The following AFF4 variants were observed in gnomAD, a reference collection of about 807,000 sequenced individuals.
AFF4 encodes the protein AF4/FMR2 family member 4.
AFF4 carries 13 observed loss-of-function variants against 124.8 expected under a neutral mutation model. The observed-to-expected ratio is 0.10, with a 90% CI of 0.07 to 0.17. The LOEUF is 0.17. AFF4 is among the 10% of genes least tolerant of loss of function. The pLI is 1.00. For missense variants in AFF4, 1,092 were observed against 1,403.8 expected, an observed-to-expected ratio of 0.78 and a Z score of 3.55; for synonymous variants, 477 against 496.1, an observed-to-expected ratio of 0.96 and a Z score of 0.51.
At chr5:132,898,991 T>A in intron 9 of AFF4, 113 bp downstream of exon 9, 3 of 955,978 alleles carry the variant, frequency 3.1e-6, no homozygotes, top group Non-Finnish European at 4.8e-6. Flanking sequence ...TACAGAATTG[T>A]ACAACCATTA....
chr5:132,939,615 T>C (rs920743639), intron 1 of AFF4, among the ~76,000 whole-genome samples: 19 of 152,212 alleles, frequency 1.2e-4, no homozygotes, highest in Admixed American at 1.2e-3. Context: ...GCAACTTCTT[T>C]TTTCTTTTTT....
At position 132,896,459 on chromosome 5, in the gene AFF4, G is replaced by C. The variant is rs762906055; in HGVS notation, c.2171C>G (p.Thr724Ser). ...TTTGTAAGGCTTTCCTGGTATTCTA[G>C]TCAAAAGATTCAGGTCAATCTTCAC... is the stretch of plus-strand genomic sequence containing the variant. ...LIVKIDLNLL[T>S]RIPGKPYKET... Residue 724 changes from threonine to serine, a missense_variant, in exon 11 of 21, where the codon ACT becomes AGT. Around this residue, in one of 11 missense-constraint regions of AFF4, gnomAD observed 293 missense variants for 280.2 expected, o/e 1.05. Coordinates refer to ENST00000265343, the MANE Select transcript of AFF4 (RefSeq NM_014423.4). The C allele has an allele frequency of 2.5e-6, 4 of 1,614,156 alleles. No individual in the cohort carries two copies. The South Asian group carries it at 3.3e-5, about 13-fold the overall frequency.
intron 20 of AFF4, among the ~76,000 whole-genome samples, chr5:132,882,927 A>G (rs1463816682): frequency 6.7e-6 from 1 of 148,882 alleles, no homozygotes; most frequent in Non-Finnish European, 1.5e-5. Flanking sequence ...CAATATACCT[A>G]AAAATCCAGT....
At chr5:132,932,341 G>T in intron 3 of AFF4, 119 bp from the exon 4 acceptor site, 1 of 625,008 alleles carries the variant, frequency 1.6e-6, no homozygotes, top group Non-Finnish European at 2.5e-6. Flanking sequence ...TCAGTACACT[G>T]GTTAGAATCT....
At chr5:132,891,994 G>T in intron 13 of AFF4, 170 bp downstream of exon 13, 1 of 1,074,916 alleles carries the variant, frequency 9.3e-7, no homozygotes, top group Non-Finnish European at 1.3e-6. Context: ...CACCTTCACA[G>T]TCTTATATCA....
intron 1 of AFF4, among the ~76,000 whole-genome samples, chr5:132,952,371 A>G (rs1761865031): frequency 6.6e-6 from 1 of 152,232 alleles, no homozygotes; most frequent in Admixed American, 6.5e-5. Context: ...TAAATTCAAC[A>G]GATATTTTAT....
At chr5:132,888,985 C>T (rs997987366) in intron 14 of AFF4, 94 bp downstream of exon 14, 22 of 1,214,406 alleles carry the variant, frequency 1.8e-5, no homozygotes, top group African/African-American at 3.0e-5. Context: ...CGTGAGCCAC[C>T]GCGCCCGGCC....
intron 5 of AFF4, among the ~76,000 whole-genome samples, chr5:132,911,226 TTC>T (rs1292262510): frequency 6.6e-6 from 1 of 152,194 alleles, no homozygotes; most frequent in Non-Finnish European, 1.5e-5. Context: ...TGGTATCACA[TTC>T]TCTGTTTGCT....
intron 5 of AFF4, 43 bp downstream of exon 5, chr5:132,927,078 T>C (rs745360231): frequency 2.6e-6 from 4 of 1,544,000 alleles, no homozygotes; most frequent in Non-Finnish European, 2.7e-6. Context: ...TCAAGCCATT[T>C]AGAGTTTTCT....
At chr5:132,888,372 C>T (rs1482063666) in intron 14 of AFF4, among the ~76,000 whole-genome samples, 1 of 151,864 alleles carries the variant, frequency 6.6e-6, no homozygotes, top group Non-Finnish European at 1.5e-5. Flanking sequence ...ATTAGGAAAA[C>T]AGAAATCAAG....
chr5:132,934,082 A>G (rs1383914372), intron 3 of AFF4, 65 bp downstream of exon 3: 10 of 1,501,502 alleles, frequency 6.7e-6, no homozygotes, highest in Admixed American at 6.2e-5. Context: ...GTTCAATCGT[A>G]ATTTCATGAT....
chr5:132,880,141 C>G lies in AFF4; in HGVS notation c.*918G>C. On this transcript the variant is annotated 3_prime_UTR_variant, in exon 21 of 21. Coordinates refer to ENST00000265343, the MANE Select transcript of AFF4 (RefSeq NM_014423.4). ...GGCAATCCTCAGGAGTTGGATCATC[C>G]TTTTTTCCACAGTAACTTATTCTGT... The G allele has an allele frequency of 2.5e-6, 1 of 398,354 alleles. No homozygotes were observed. Among genetic ancestry groups the G allele is most frequent in the East Asian group, 3.6e-5 (1 of 28,030 alleles). The allele number at this position is 398,354 out of a possible 1,614,324, so 24.7% of individuals were successfully genotyped here.
chr5:132,915,544 C>A (rs1362793230), intron 5 of AFF4, among the ~76,000 whole-genome samples: 1 of 147,088 alleles, frequency 6.8e-6, no homozygotes, highest in Non-Finnish European at 1.5e-5. Flanking sequence ...TTATACTGCA[C>A]TTTGACCCAC....
At chr5:132,933,109 A>C (rs933941691) in intron 3 of AFF4, among the ~76,000 whole-genome samples, 15 of 151,944 alleles carry the variant, frequency 9.9e-5, no homozygotes, top group African/African-American at 3.4e-4. Context: ...TAAAAGATAA[A>C]ATTTGGGGCC....
At position 132,879,717 on chromosome 5, in the gene AFF4, T is replaced by C. The variant is rs1378013673; in HGVS notation, c.*1342A>G. ...TTATCTTAGACTTCTATATGCACCT[T>C]GTAGCAAAAGGTACTTTGATATACA... On this transcript the variant is annotated 3_prime_UTR_variant, in exon 21 of 21. Coordinates refer to ENST00000265343, the MANE Select transcript of AFF4 (RefSeq NM_014423.4). 1.9e-5 allele frequency: 4 copies of C among 213,518 alleles called. No homozygotes were observed. In the East Asian group the frequency reaches 2.8e-4, roughly 15 times the overall value. 13.2% of individuals were successfully genotyped at this position (213,518 alleles called of 1,614,324 possible). A position where few individuals can be genotyped will look rare whatever the true frequency, so the allele number is the denominator to read the frequency against.
At chr5:132,905,205 T>C (rs1478535080) in intron 5 of AFF4, among the ~76,000 whole-genome samples, 1 of 152,186 alleles carries the variant, frequency 6.6e-6, no homozygotes, top group African/African-American at 2.4e-5. Context: ...ATGTAAGCCC[T>C]ATAACAGCAT....
intron 1 of AFF4, among the ~76,000 whole-genome samples, chr5:132,948,059 CT>C (rs1370730047): frequency 6.0e-5 from 9 of 148,788 alleles, no homozygotes; most frequent in Non-Finnish European, 7.5e-5. Flanking sequence ...AGAAATTGTG[CT>C]TTTTTTTTTG....
intron 1 of AFF4, among the ~76,000 whole-genome samples, chr5:132,956,247 C>T (rs1761956124): frequency 6.6e-6 from 1 of 152,082 alleles, no homozygotes; most frequent in African/African-American, 2.4e-5. Flanking sequence ...GCCATCACAG[C>T]AGCAAAAGCA....
chr5:132,926,180 T>C (rs1484183908), intron 5 of AFF4: 3 of 446,488 alleles, frequency 6.7e-6, no homozygotes, highest in Middle Eastern at 3.6e-4. Context: ...TGATTATATA[T>C]GTATTACATG....
Sources: gnomAD v4.1 joint callset for allele counts (sites outside exome capture counted in the v4.1 genomes callset) on GRCh38, gnomAD v4.1.1 for gene constraint, gnomAD v4.1.1 regional missense constraint, MANE v1.5 for transcripts, NCBI Gene and HGNC (gene_info 2026-07-23, HGNC 2026-07-21) for gene names.